The following LSAMP variants were observed in gnomAD, a reference collection of about 807,000 sequenced individuals.
The protein encoded by LSAMP is limbic system associated membrane protein, also known as limbic system-associated membrane protein.
Under a neutral mutation model 38.6 loss-of-function variants are expected in LSAMP, and 7 were observed. That is an observed-to-expected ratio of 0.18 (90% CI 0.10 to 0.34). The LOEUF is 0.34. Among genes scored for constraint, LSAMP ranks in the 10% least tolerant of loss-of-function variants. The pLI is 1.00. For synonymous variants in LSAMP, 154 were observed against 166.8 expected, an observed-to-expected ratio of 0.92 and a Z score of 0.59; for missense variants, 313 against 420.0, an observed-to-expected ratio of 0.75 and a Z score of 2.23.
intron 3 of LSAMP, among the ~76,000 whole-genome samples, chr3:115,968,518 C>T (rs192939424): frequency 2.8e-4 from 42 of 152,206 alleles, no homozygotes; most frequent in Admixed American, 2.4e-3. Flanking sequence ...ATGGGGACCT[C>T]GGAACTCTAC....
chr3:116,327,359 A>G (rs1395570753), intron 1 of LSAMP, among the ~76,000 whole-genome samples: 1 of 152,102 alleles, frequency 6.6e-6, no homozygotes. Flanking sequence ...TGTTTTGTTT[A>G]TGCTATACCT....
intron 1 of LSAMP, among the ~76,000 whole-genome samples, chr3:116,308,825 A>C (rs1000641922): frequency 1.2e-4 from 19 of 152,134 alleles, no homozygotes; most frequent in African/African-American, 4.6e-4. Flanking sequence ...TAAGTATCAA[A>C]GAATGCATGT....
intron 3 of LSAMP, among the ~76,000 whole-genome samples, chr3:115,879,564 A>G (rs1225948482): frequency 6.6e-6 from 1 of 152,132 alleles, no homozygotes; most frequent in East Asian, 1.9e-4. Flanking sequence ...CATCAAGAAA[A>G]CATATCATTA....
At chr3:115,817,442 T>C (rs1007133162) in intron 6 of LSAMP, among the ~76,000 whole-genome samples, 4 of 150,690 alleles carry the variant, frequency 2.7e-5, no homozygotes, top group African/African-American at 9.9e-5. Flanking sequence ...GTAGTGGATA[T>C]TCAATAAATA....
intron 3 of LSAMP, among the ~76,000 whole-genome samples, chr3:115,979,276 A>G (rs1345413370): frequency 2.0e-5 from 3 of 148,996 alleles, no homozygotes; most frequent in African/African-American, 7.5e-5. Context: ...TTCCACCAGT[A>G]TTTGTTTTAG....
intron 3 of LSAMP, among the ~76,000 whole-genome samples, chr3:115,913,473 G>A (rs1375058703): frequency 6.6e-6 from 1 of 152,176 alleles, no homozygotes; most frequent in Non-Finnish European, 1.5e-5. Flanking sequence ...GACTTTTGCT[G>A]GGTGCTTAGC....
At chr3:116,239,389 C>T (rs1041432628) in intron 1 of LSAMP, among the ~76,000 whole-genome samples, 2 of 147,994 alleles carry the variant, frequency 1.4e-5, no homozygotes, top group Non-Finnish European at 3.0e-5. Context: ...AAATACTATC[C>T]AGAACATATG....
At chr3:115,994,184 C>T (rs1939750972) in intron 3 of LSAMP, among the ~76,000 whole-genome samples, 1 of 152,020 alleles carries the variant, frequency 6.6e-6, no homozygotes, top group East Asian at 1.9e-4. Flanking sequence ...AACTCTCCTG[C>T]TCTTATTGTT....
chr3:116,124,864 G>T (rs544739934), intron 1 of LSAMP, among the ~76,000 whole-genome samples: 1 of 151,948 alleles, frequency 6.6e-6, no homozygotes, highest in African/African-American at 2.4e-5. Context: ...ACATGCAAAG[G>T]GTATTGTTTT....
intron 6 of LSAMP, among the ~76,000 whole-genome samples, chr3:115,838,791 G>A (rs2107498037): frequency 6.6e-6 from 1 of 152,320 alleles, no homozygotes; most frequent in Middle Eastern, 3.4e-3. Flanking sequence ...AATAGAGAGT[G>A]GGGAAGTGTA....
intron 3 of LSAMP, among the ~76,000 whole-genome samples, chr3:115,927,635 C>A (rs541169138): frequency 3.9e-5 from 6 of 152,304 alleles, no homozygotes; most frequent in African/African-American, 1.4e-4. Flanking sequence ...GTACTCCTGC[C>A]CTTGCTCACT....
intron 2 of LSAMP, among the ~76,000 whole-genome samples, chr3:116,041,227 C>T (rs1236851038): frequency 1.3e-5 from 2 of 152,046 alleles, no homozygotes; most frequent in African/African-American, 4.8e-5. Context: ...CCTGATCCTA[C>T]ATATTTTTAA....
chr3:116,130,361 G>A (rs1453739081), intron 1 of LSAMP, among the ~76,000 whole-genome samples: 1 of 152,148 alleles, frequency 6.6e-6, no homozygotes, highest in African/African-American at 2.4e-5. Context: ...GAAAACTTGT[G>A]TTGATTATAT....
At chr3:116,093,620 G>C (rs931622256) in intron 1 of LSAMP, among the ~76,000 whole-genome samples, 1 of 152,150 alleles carries the variant, frequency 6.6e-6, no homozygotes, top group African/African-American at 2.4e-5. Flanking sequence ...ATCGTAAAAT[G>C]ATGTAATCAT....
At chr3:116,253,713 G>A (rs1286200934) in intron 1 of LSAMP, among the ~76,000 whole-genome samples, 3 of 152,160 alleles carry the variant, frequency 2.0e-5, no homozygotes, top group African/African-American at 7.2e-5. Flanking sequence ...GAACCCAGAA[G>A]TTTTAAAGCA....
chr3:116,366,123 C>T (rs58021103), intron 1 of LSAMP, among the ~76,000 whole-genome samples: 3,909 of 149,648 alleles, frequency 0.026, 160 homozygotes, highest in African/African-American at 0.087. Context: ...GTCTATCCAT[C>T]TCACAAAAGT....
At chr3:115,913,398 T>TG (rs534701365) in intron 3 of LSAMP, among the ~76,000 whole-genome samples, 88 of 152,324 alleles carry the variant, frequency 5.8e-4, no homozygotes, top group African/African-American at 1.9e-3. Flanking sequence ...GACAAAGCCA[T>TG]GGTCTTTTTG....
intron 1 of LSAMP, among the ~76,000 whole-genome samples, chr3:116,218,884 T>C (rs1412928087): frequency 6.6e-6 from 1 of 152,204 alleles, no homozygotes; most frequent in African/African-American, 2.4e-5. Flanking sequence ...AAATTTTCTA[T>C]TGGTAACAAT....
intron 1 of LSAMP, among the ~76,000 whole-genome samples, chr3:116,322,625 G>T (rs1358550668): frequency 6.6e-6 from 1 of 152,070 alleles, no homozygotes; most frequent in East Asian, 1.9e-4. Flanking sequence ...TTTTTTCTCT[G>T]AAATTGACTA....
Sources: gnomAD v4.1 joint callset for allele counts (sites outside exome capture counted in the v4.1 genomes callset) on GRCh38, gnomAD v4.1.1 for gene constraint, MANE v1.5 for transcripts, NCBI Gene and HGNC (gene_info 2026-07-23, HGNC 2026-07-21) for gene names.